ZNRF1: variants seen among roughly 807,000 people sequenced by gnomAD.
ZNRF1 encodes the protein zinc and ring finger 1, also known as E3 ubiquitin-protein ligase ZNRF1.
Under a neutral mutation model 18.4 loss-of-function variants are expected in ZNRF1, and 3 were observed. The ratio of observed to expected loss-of-function variants is 0.16; its 90% CI spans 0.07 to 0.42. ZNRF1 has a LOEUF of 0.42. Ranked by LOEUF, ZNRF1 falls within the 10% of genes least tolerant of loss-of-function variation. The pLI is 0.99. For synonymous variants in ZNRF1, 157 were observed against 144.2 expected (o/e 1.09, Z -0.64); for missense variants, 310 against 329.8 (o/e 0.94, Z 0.47).
intron 1 of ZNRF1, among the ~76,000 whole-genome samples, chr16:75,090,096 G>A (rs4447456): frequency 2.7e-4 from 41 of 152,086 alleles, no homozygotes; most frequent in African/African-American, 6.8e-4. Context: ...TAAAGTGCAG[G>A]TGTCCTTTAG....
At chr16:75,067,261 C>G (rs1480948056) in intron 1 of ZNRF1, among the ~76,000 whole-genome samples, 1 of 152,210 alleles carries the variant, frequency 6.6e-6, no homozygotes, top group African/African-American at 2.4e-5. Flanking sequence ...TTTTGCCTTT[C>G]TGACTGCCCC....
Position 74,999,957 on chromosome 16 carries a change from A to T in ZNRF1, c.286A>T (p.Thr96Ser). Residue 96 changes from threonine to serine, a missense_variant, in exon 1 of 5, where the codon ACC becomes TCC. Physicochemically the swap from Thr to Ser is moderately conservative, Grantham distance 58 (BLOSUM62 1). This residue lies in a region of ZNRF1 where 293 missense variants were observed against 291.2 expected (regional missense o/e 1.01). Transcript: ENST00000335325. ...CGGCGGAGGGTCTGCGTCCGACTCC[A>T]CCTATGCCCATGGCAATGGTTACCA... ...PGGGGSASDS[T>S]YAHGNGYQET... 1 of 1,578,144 alleles carries T rather than the reference A, an allele frequency of 6.3e-7. No individual in the cohort carries two copies. Among genetic ancestry groups the T allele is most frequent in the African/African-American group, 1.3e-5 (1 of 74,388 alleles).
chr16:75,011,564 T>C (rs2035000781), intron 1 of ZNRF1, among the ~76,000 whole-genome samples: 1 of 152,210 alleles, frequency 6.6e-6, no homozygotes, highest in Non-Finnish European at 1.5e-5. Flanking sequence ...TGCCTGCTGC[T>C]ATAACAAGTG....
intron 1 of ZNRF1, among the ~76,000 whole-genome samples, chr16:75,047,457 T>A (rs1052348697): frequency 1.3e-5 from 2 of 152,352 alleles, no homozygotes; most frequent in African/African-American, 4.8e-5. Context: ...TGTGCCTGGC[T>A]CAATTTATTT....
intron 2 of ZNRF1, among the ~76,000 whole-genome samples, chr16:75,102,793 C>T (rs1271627764): frequency 2.0e-5 from 3 of 152,174 alleles, no homozygotes; most frequent in Admixed American, 1.3e-4. Context: ...ACTCAGAATC[C>T]GTCCCTTCCT....
At position 75,086,945 on chromosome 16, in the gene ZNRF1, AG is replaced by A. The variant is rs576598298; in HGVS notation, c.425-6621del. 3.5e-5 allele frequency among the ~76,000 whole-genome samples: 5 copies of A among 144,264 alleles called. No individual in the cohort carries two copies. In the South Asian group the frequency reaches 1.3e-3, roughly 37 times the overall value. 94.6% of individuals were successfully genotyped at this position (144,264 alleles called of 152,430 possible). On this transcript the variant is annotated intron_variant, in intron 1 of 4. Coordinates refer to ENST00000335325, the MANE Select transcript of ZNRF1 (RefSeq NM_032268.5). Reference sequence around the variant, plus strand: ...TTTAAAATAGCGCATCAGCATGGGGAGGGGGGCAGAAGGGAGGGCTGGGGAG... The same window carrying A: ...TTTAAAATAGCGCATCAGCATGGGGAGGGGGCAGAAGGGAGGGCTGGGGAG...
At chr16:75,061,518 A>T (rs1379098980) in intron 1 of ZNRF1, among the ~76,000 whole-genome samples, 2 of 128,002 alleles carry the variant, frequency 1.6e-5, no homozygotes, top group African/African-American at 5.2e-5. Context: ...CGTACTTCAT[A>T]GTGTATATGT....
rs998665683 is a variant in ZNRF1, at chr16:75,110,143, G to A, written c.*2443G>A. On this transcript the variant is annotated 3_prime_UTR_variant, in exon 5 of 5. Coordinates refer to ENST00000335325, the MANE Select transcript of ZNRF1 (RefSeq NM_032268.5). ...GCTGGTGCTCATCCCCACCCCCAGC[G>A]ACTTCCGTCCTACCTGGCATGCTGC... is the stretch of plus-strand genomic sequence containing the variant. 4.6e-5 allele frequency: 7 copies of A among 152,320 alleles called. No individual in the cohort carries two copies. The highest frequency in any genetic ancestry group is 4.1e-4 in the South Asian group (2 of 4,836). The allele number at this position is 152,320 out of a possible 1,614,324, so 9.4% of individuals were successfully genotyped here.
chr16:75,068,684 TG>T (rs2035833444), intron 1 of ZNRF1, among the ~76,000 whole-genome samples: 1 of 151,936 alleles, frequency 6.6e-6, no homozygotes, highest in African/African-American at 2.4e-5. Flanking sequence ...TGAGCAGGGC[TG>T]GGGCTGGCCC....
At position 75,109,582 on chromosome 16, in the gene ZNRF1, G is replaced by A. The variant is rs1041379143; in HGVS notation, c.*1882G>A. 13 of 152,944 alleles carry A rather than the reference G, an allele frequency of 8.5e-5. No homozygotes were observed. Among genetic ancestry groups the A allele is most frequent in the Admixed American group, 4.6e-4 (7 of 15,288 alleles). 9.5% of individuals were successfully genotyped at this position (152,944 alleles called of 1,614,324 possible). ...AGAAGACTCGGTGGTTCAGAGCCTG[G>A]GTCTCAGCGCGGGACCCGTCTGGGG... On this transcript the variant is annotated 3_prime_UTR_variant, in exon 5 of 5. Coordinates refer to ENST00000335325, the MANE Select transcript of ZNRF1 (RefSeq NM_032268.5).
intron 1 of ZNRF1, among the ~76,000 whole-genome samples, chr16:75,085,821 A>AGTGTGTGT (rs369370172): frequency 1.4e-5 from 2 of 146,238 alleles, no homozygotes; most frequent in African/African-American, 5.2e-5. Flanking sequence ...AGAGAGAGTG[A>AGTGTGTGT]GTGTGTGTGT....
At chr16:75,002,778 T>G (rs967922216) in intron 1 of ZNRF1, among the ~76,000 whole-genome samples, 3 of 152,188 alleles carry the variant, frequency 2.0e-5, no homozygotes, top group Admixed American at 6.5e-5. Context: ...ACATTTGTCT[T>G]CTCTAGGTTC....
At chr16:75,092,379 T>TAA (rs746007966) in intron 1 of ZNRF1, among the ~76,000 whole-genome samples, 6 of 152,146 alleles carry the variant, frequency 3.9e-5, no homozygotes, top group Non-Finnish European at 5.9e-5. Flanking sequence ...CAGCTGTTGT[T>TAA]AAATGTGCCA....
intron 2 of ZNRF1, among the ~76,000 whole-genome samples, chr16:75,097,014 C>A (rs983060481): frequency 3.3e-5 from 5 of 152,128 alleles, no homozygotes; most frequent in Admixed American, 3.3e-4. Context: ...GTTAAACCCC[C>A]TGTCCTCCTA....
At chr16:75,022,152 G>A (rs1425856352) in intron 1 of ZNRF1, among the ~76,000 whole-genome samples, 2 of 152,198 alleles carry the variant, frequency 1.3e-5, no homozygotes, top group African/African-American at 4.8e-5. Flanking sequence ...CTACTTGGGA[G>A]GCTGAGGCAG....
At chr16:75,060,561 C>CTCCG (rs1345913245) in intron 1 of ZNRF1, among the ~76,000 whole-genome samples, 3 of 144,356 alleles carry the variant, frequency 2.1e-5, no homozygotes, top group Non-Finnish European at 4.6e-5. Context: ...TCACTGCAAC[C>CTCCG]TCCGCCTCCC....
intron 3 of ZNRF1, chr16:75,105,972 C>G: frequency 6.5e-6 from 1 of 154,394 alleles, no homozygotes; most frequent in Admixed American, 6.4e-5. Context: ...GAGCTTGGGG[C>G]TCTCCTAAGA....
intron 1 of ZNRF1, among the ~76,000 whole-genome samples, chr16:75,051,865 A>G (rs568430159): frequency 5.9e-5 from 9 of 152,126 alleles, no homozygotes; most frequent in African/African-American, 2.2e-4. Flanking sequence ...CTATTCATCT[A>G]TCCACTCCTT....
chr16:75,042,274 T>C (rs1433734376), intron 1 of ZNRF1, among the ~76,000 whole-genome samples: 1 of 152,168 alleles, frequency 6.6e-6, no homozygotes, highest in African/African-American at 2.4e-5. Flanking sequence ...TTTTTTGCTT[T>C]TATGAATGAT....
Sources: allele counts gnomAD v4.1 joint callset (sites outside exome capture counted in the v4.1 genomes callset), GRCh38; gene constraint gnomAD v4.1.1; regional missense constraint gnomAD v4.1.1; transcripts MANE v1.5; gene names NCBI Gene and HGNC (gene_info 2026-07-23, HGNC 2026-07-21).